Variants in LCP1 observed in about 807,000 individuals in gnomAD.
LCP1 encodes the protein plastin-2.
In LCP1, 23 loss-of-function variants were observed where a neutral mutation model predicts 72.0. The ratio of observed to expected loss-of-function variants is 0.32; its 90% CI spans 0.23 to 0.45. The LOEUF (loss-of-function observed/expected upper bound fraction) is 0.45. LCP1 is among the 20% of genes least tolerant of loss of function. LCP1 has a pLI of 1.00. For synonymous variants in LCP1, 245 were observed against 275.4 expected (o/e 0.89, Z 1.09); for missense variants, 571 against 748.3 (o/e 0.76, Z 2.76).
At chr13:46,148,269 G>T in intron 9 of LCP1, 83 bp downstream of exon 9, 1 of 944,720 alleles carries the variant, frequency 1.1e-6, no homozygotes, top group Non-Finnish European at 1.7e-6. Flanking sequence ...TGGAACTCCA[G>T]AATCAGGGCC....
chr13:46,144,369 A>T, intron 11 of LCP1, 73 bp downstream of exon 11: 1 of 1,132,606 alleles, frequency 8.8e-7, no homozygotes, highest in East Asian at 2.4e-5. Context: ...TGCACATCAT[A>T]GTGGTATTTG....
At chr13:46,147,905 A>G (rs769698182) in intron 9 of LCP1, among the ~76,000 whole-genome samples, 9 of 152,142 alleles carry the variant, frequency 5.9e-5, no homozygotes, top group Non-Finnish European at 1.3e-4. Context: ...TTTACTTGTC[A>G]TTTACTTTTA....
chr13:46,128,137 C>T (rs573976052), intron 15 of LCP1, among the ~76,000 whole-genome samples: 34 of 151,822 alleles, frequency 2.2e-4, no homozygotes, highest in Middle Eastern at 6.8e-3. Context: ...CACTACAGCA[C>T]GTGCTGCCAC....
intron 15 of LCP1, among the ~76,000 whole-genome samples, chr13:46,130,286 C>T (rs1447857841): frequency 6.6e-6 from 1 of 152,200 alleles, no homozygotes; most frequent in Non-Finnish European, 1.5e-5. Context: ...CAGCTATAGA[C>T]AAGATGCAAA....
At chr13:46,169,187 T>C (rs2045892656) in intron 1 of LCP1, among the ~76,000 whole-genome samples, 1 of 152,230 alleles carries the variant, frequency 6.6e-6, no homozygotes, top group Admixed American at 6.5e-5. Context: ...AACCCTAAGA[T>C]AGGACTCTTC....
rs866319688 is a variant in LCP1 at position 46,126,850 on chromosome 13, A to C, written c.*741T>G. 4.3e-6 allele frequency: 1 copy of C among 230,958 alleles called. No individual in the cohort carries two copies. The highest frequency in any genetic ancestry group is 2.2e-5 in the African/African-American group (1 of 45,226). The allele number at this position is 230,958 out of a possible 1,614,324, so 14.3% of individuals were successfully genotyped here. A position where few individuals can be genotyped will look rare whatever the true frequency, so the allele number is the denominator to read the frequency against. On this transcript the variant is annotated 3_prime_UTR_variant, in exon 16 of 16. Transcript: ENST00000323076. ...AGATGTTAGATCTGGTCCAAGCCCAAATTCTAGAGTTAAAAGCAGAGGGGT... is the reference window on the plus strand; with the variant it reads ...AGATGTTAGATCTGGTCCAAGCCCACATTCTAGAGTTAAAAGCAGAGGGGT...
intron 8 of LCP1, 56 bp from the exon 9 acceptor site, chr13:46,148,503 G>T: frequency 1.9e-6 from 2 of 1,043,242 alleles, no homozygotes; most frequent in Non-Finnish European, 2.9e-6. Flanking sequence ...TACATACTTA[G>T]CATAACAATG....
intron 10 of LCP1, among the ~76,000 whole-genome samples, chr13:46,146,290 TAGTTG>T (rs1199668213): frequency 6.6e-6 from 1 of 152,198 alleles, no homozygotes; most frequent in Non-Finnish European, 1.5e-5. Flanking sequence ...CATTTAATAT[TAGTTG>T]ACCTTTGTCT....
At chr13:46,168,897 T>C in intron 1 of LCP1, among the ~76,000 whole-genome samples, 1 of 152,216 alleles carries the variant, frequency 6.6e-6, no homozygotes, top group South Asian at 2.1e-4. Flanking sequence ...TGTAACCTGC[T>C]TTTTTAGGGC....
At chr13:46,161,208 G>T (rs1399169316) in intron 1 of LCP1, among the ~76,000 whole-genome samples, 1 of 151,994 alleles carries the variant, frequency 6.6e-6, no homozygotes, top group African/African-American at 2.4e-5. Flanking sequence ...GAGAGTCTTT[G>T]GTTGAAAAAA....
intron 1 of LCP1, among the ~76,000 whole-genome samples, chr13:46,173,009 C>A (rs529148291): frequency 6.6e-6 from 1 of 152,248 alleles, no homozygotes; most frequent in South Asian, 2.1e-4. Context: ...ATTTTAAGAA[C>A]CTAAAGTTTT....
intron 10 of LCP1, among the ~76,000 whole-genome samples, chr13:46,145,193 C>G (rs778771771): frequency 2.6e-5 from 4 of 152,172 alleles, no homozygotes. Context: ...AGTTGACAGA[C>G]AACGGCAGTC....
chr13:46,162,305 CG>C (rs980615570), intron 1 of LCP1, among the ~76,000 whole-genome samples: 45 of 141,560 alleles, frequency 3.2e-4, no homozygotes, highest in African/African-American at 1.0e-3. Context: ...CCTCAACCCA[CG>C]GTCTCCCTCT....
At position 46,146,313 on chromosome 13, in the gene LCP1, G is replaced by C. The variant is rs564129073; in HGVS notation, c.1174+595C>G. ...ATTAGTTGACCTTTGTCTCAATATT[G>C]GGACTAGTTCATGATTTTTTTAAAA... On this transcript the variant is annotated intron_variant, in intron 10 of 15. Transcript: ENST00000323076. Among the ~76,000 whole-genome samples, 10 of 152,208 alleles carry C rather than the reference G, an allele frequency of 6.6e-5. No individual in the cohort carries two copies. The South Asian group carries it at 1.9e-3, about 28-fold the overall frequency.
chr13:46,166,794 C>T (rs2138274762), intron 1 of LCP1, among the ~76,000 whole-genome samples: 1 of 152,180 alleles, frequency 6.6e-6, no homozygotes, highest in South Asian at 2.1e-4. Context: ...AATCCTGTCC[C>T]CTTCATTTTA....
intron 14 of LCP1, 124 bp from the exon 15 acceptor site, chr13:46,131,062 A>G: frequency 1.0e-6 from 1 of 976,732 alleles, no homozygotes; most frequent in Non-Finnish European, 1.5e-6. Context: ...TGGGAAATGC[A>G]GCAGTATTCC....
At chr13:46,178,644 G>T (rs2045942686) in intron 1 of LCP1, among the ~76,000 whole-genome samples, 1 of 152,068 alleles carries the variant, frequency 6.6e-6, no homozygotes, top group Admixed American at 6.5e-5. Context: ...ATTTTGATGT[G>T]TCCTAATTCT....
chr13:46,171,567 G>C (rs915185512), intron 1 of LCP1, among the ~76,000 whole-genome samples: 1 of 152,094 alleles, frequency 6.6e-6, no homozygotes, highest in Non-Finnish European at 1.5e-5. Flanking sequence ...CTCTTTGCCC[G>C]TGGCCTCCAC....
intron 1 of LCP1, among the ~76,000 whole-genome samples, chr13:46,162,919 T>C (rs1323507590): frequency 6.7e-6 from 1 of 150,194 alleles, no homozygotes; most frequent in Non-Finnish European, 1.5e-5. Flanking sequence ...AGCCGCCCTG[T>C]CTGAAAAGTG....
Sources: gnomAD v4.1 joint callset for allele counts (sites outside exome capture counted in the v4.1 genomes callset) on GRCh38, gnomAD v4.1.1 for gene constraint, MANE v1.5 for transcripts, NCBI Gene and HGNC (gene_info 2026-07-23, HGNC 2026-07-21) for gene names.